Variants in USP34 observed in about 807,000 individuals in gnomAD.
USP34 encodes ubiquitin specific peptidase 34.
A neutral mutation model predicts 460.3 loss-of-function variants in USP34; 70 were observed. That is an observed-to-expected ratio of 0.15 (90% CI 0.13 to 0.19). The LOEUF (loss-of-function observed/expected upper bound fraction) is 0.19. Among genes scored for constraint, USP34 ranks in the 10% least tolerant of loss-of-function variants. The pLI, the probability that USP34 is intolerant of heterozygous loss-of-function variation, is 1.00. For missense variants in USP34, 3,985 were observed against 4,236.2 expected (o/e 0.94, Z 1.65); for synonymous variants, 1,647 against 1,405.3 (o/e 1.17, Z -3.85).
In USP34 at chr2:61,383,289, A is replaced by T. The variant is rs1693030668; in HGVS notation, c.801T>A (p.Pro267=). The change falls in exon 6 of 80, where the codon CCT becomes CCA. Residue 267 remains proline, a synonymous_variant. Transcript: ENST00000398571. ...HIPAVMQHII[P]FRTYVIRYLC... ...CTTACCTAATAACATAGGTCCTAAA[A>T]GGTATAATGTGCTGCATGACAGCGG... 1.2e-6 allele frequency: 2 copies of T among 1,603,490 alleles called. No individual in the cohort carries two copies. Among genetic ancestry groups the T allele is most frequent in the Non-Finnish European group, 8.5e-7 (1 of 1,174,204 alleles).
In USP34 at chr2:61,348,236, G is replaced by C. The variant is rs759433321; in HGVS notation, c.1919C>G (p.Thr640Arg). 3.1e-6 allele frequency: 5 copies of C among 1,614,170 alleles called. No homozygotes were observed. The highest frequency in any genetic ancestry group is 1.7e-5 in the Admixed American group (1 of 60,024). Reference sequence around the variant, plus strand: ...CTCTAACTTTCTATTCCGAAGATCTGTACCACAACTGCTTTTGGGAGGATT... The same window carrying C: ...CTCTAACTTTCTATTCCGAAGATCTCTACCACAACTGCTTTTGGGAGGATT... ...GHNPPKSSCGTDLRNRKLESQ... is the reference protein window; with the variant it reads ...GHNPPKSSCGRDLRNRKLESQ... Residue 640 changes from threonine (T) to arginine (R), a missense_variant, in exon 15 of 80, where the codon ACA becomes AGA. Physicochemically the swap from Thr to Arg is moderately conservative, Grantham distance 71. This residue lies in a region of USP34 where 716 missense variants were observed against 626.2 expected (regional missense o/e 1.14). Transcript: ENST00000398571.
At chr2:61,242,946 G>T (rs1006659865) in intron 51 of USP34, among the ~76,000 whole-genome samples, 10 of 151,780 alleles carry the variant, frequency 6.6e-5, no homozygotes, top group African/African-American at 2.4e-4. Flanking sequence ...TGGTTCAAGG[G>T]GTTCTCCTGT....
At chr2:61,248,364 A>T in intron 49 of USP34, 147 bp downstream of exon 49, 1 of 713,764 alleles carries the variant, frequency 1.4e-6, no homozygotes, top group Non-Finnish European at 2.2e-6. Flanking sequence ...TGGTTAACTG[A>T]CTGAATGCAT....
chr2:61,322,997 T>C (rs1398743784), intron 21 of USP34, among the ~76,000 whole-genome samples: 5 of 152,228 alleles, frequency 3.3e-5, no homozygotes, highest in African/African-American at 1.2e-4. Context: ...GTTATTGTCA[T>C]ATTGAAAATC....
chr2:61,400,837 G>A (rs145050120), intron 3 of USP34, among the ~76,000 whole-genome samples: 23 of 152,224 alleles, frequency 1.5e-4, no homozygotes, highest in Non-Finnish European at 2.5e-4. Context: ...CTGAGTGACA[G>A]AGGAAGACCC....
intron 61 of USP34, 70 bp downstream of exon 61, chr2:61,228,575 G>A: frequency 7.0e-7 from 1 of 1,424,806 alleles, no homozygotes; most frequent in Middle Eastern, 1.8e-4. Flanking sequence ...TAACATCTCA[G>A]GACTTCGCAC....
At chr2:61,217,113 T>C (rs965382978) in intron 67 of USP34, among the ~76,000 whole-genome samples, 2 of 152,204 alleles carry the variant, frequency 1.3e-5, no homozygotes, top group Non-Finnish European at 2.9e-5. Context: ...CTATAAAAGC[T>C]ACTTGCTTTT....
Position 61,390,966 on chromosome 2 carries a change from G to A in USP34, c.753+3887C>T, listed in dbSNP as rs529085762. Among the ~76,000 whole-genome samples, 46 of 152,002 alleles carry A rather than the reference G, an allele frequency of 3.0e-4. 1 individual carries two copies. In the South Asian group the frequency reaches 8.5e-3, roughly 28 times the overall value. On this transcript the variant is annotated intron_variant, in intron 5 of 79. Coordinates refer to ENST00000398571, the MANE Select transcript of USP34 (RefSeq NM_014709.4). ...AAAAATTAGCTGGGCATGGTGGTGC[G>A]TGCCTGTAGTCCCAGCTACTCGGGA... is the stretch of plus-strand genomic sequence containing the variant.
chr2:61,432,871 A>C (rs1694716653), intron 1 of USP34, among the ~76,000 whole-genome samples: 1 of 152,154 alleles, frequency 6.6e-6, no homozygotes. Flanking sequence ...AGAGAACCAA[A>C]AACCAAGACC....
At chr2:61,245,374 T>C in intron 50 of USP34, 86 bp from the exon 51 acceptor site, 1 of 711,340 alleles carries the variant, frequency 1.4e-6, no homozygotes, top group Non-Finnish European at 2.2e-6. Flanking sequence ...TAACCAATGT[T>C]ACAAGTGTCA....
intron 20 of USP34, among the ~76,000 whole-genome samples, chr2:61,327,408 G>C (rs1467188959): frequency 1.3e-5 from 2 of 152,156 alleles, no homozygotes; most frequent in Non-Finnish European, 2.9e-5. Context: ...TTCAAGAACA[G>C]CTAGCTCTTA....
chr2:61,254,517 A>G (rs1158211244), intron 48 of USP34, among the ~76,000 whole-genome samples: 2 of 152,216 alleles, frequency 1.3e-5, no homozygotes, highest in Non-Finnish European at 2.9e-5. Context: ...TTGCACATTC[A>G]AGGACATTTC....
chr2:61,454,145 G>C (rs1268628803), intron 1 of USP34, among the ~76,000 whole-genome samples: 1 of 152,116 alleles, frequency 6.6e-6, no homozygotes, highest in African/African-American at 2.4e-5. Context: ...GAGAGGGTTT[G>C]GGGTTTTTCG....
intron 1 of USP34, among the ~76,000 whole-genome samples, chr2:61,436,659 A>G (rs767065929): frequency 1.3e-5 from 2 of 152,188 alleles, no homozygotes; most frequent in African/African-American, 2.4e-5. Context: ...AAAGAAACAT[A>G]GTTTTCAACT....
intron 3 of USP34, 73 bp from the exon 4 acceptor site, chr2:61,395,306 G>T: frequency 2.1e-6 from 2 of 931,338 alleles, no homozygotes; most frequent in Non-Finnish European, 3.3e-6. Flanking sequence ...TTCTATAAAA[G>T]ACTGATTTTA....
At chr2:61,344,135 C>G in intron 15 of USP34, 106 bp from the exon 16 acceptor site, 1 of 980,720 alleles carries the variant, frequency 1.0e-6, no homozygotes, top group Non-Finnish European at 1.5e-6. Context: ...TAGAAACAAA[C>G]CGACATCTGC....
chr2:61,303,482 T>C (rs777666641), intron 27 of USP34, among the ~76,000 whole-genome samples: 1 of 152,254 alleles, frequency 6.6e-6, no homozygotes, highest in African/African-American at 2.4e-5. Context: ...TATAGTGTAT[T>C]TTACTTTATT....
chr2:61,261,549 G>A (rs1412820253), intron 43 of USP34, among the ~76,000 whole-genome samples: 1 of 152,154 alleles, frequency 6.6e-6, no homozygotes, highest in East Asian at 1.9e-4. Context: ...TGTTGGGAAG[G>A]TGAAAAAGTT....
At chr2:61,241,722 A>T in intron 52 of USP34, 44 bp downstream of exon 52, 2 of 1,504,464 alleles carry the variant, frequency 1.3e-6, no homozygotes, top group Non-Finnish European at 1.8e-6. Flanking sequence ...TAGACAATGC[A>T]GAAGAAAAAA....
Sources: allele counts gnomAD v4.1 joint callset (sites outside exome capture counted in the v4.1 genomes callset), GRCh38; gene constraint gnomAD v4.1.1; regional missense constraint gnomAD v4.1.1; transcripts MANE v1.5; gene names NCBI Gene and HGNC (gene_info 2026-07-23, HGNC 2026-07-21).